PLD1: variants seen among roughly 807,000 people sequenced by gnomAD.
PLD1 encodes the protein phospholipase D1, also known as choline phosphatase 1.
Under a neutral mutation model 137.1 loss-of-function variants are expected in PLD1, and 112 were observed. That is an observed-to-expected ratio of 0.82 (90% CI 0.70 to 0.96). The LOEUF (loss-of-function observed/expected upper bound fraction) is 0.96, where lower values mean the gene tolerates loss of function less well. Among genes scored for constraint, PLD1 ranks in the 40% least tolerant of loss-of-function variants. The pLI, the probability that PLD1 is intolerant of heterozygous loss-of-function variation, is 0.00. For synonymous variants in PLD1, 431 were observed against 454.7 expected (o/e 0.95, Z 0.66); for missense variants, 1,321 against 1,342.0 (o/e 0.98, Z 0.24).
chr3:171,618,991 T>C (rs563355702), intron 24 of PLD1, among the ~76,000 whole-genome samples: 1 of 152,338 alleles, frequency 6.6e-6, no homozygotes, highest in South Asian at 2.1e-4. Context: ...ATATGAGATA[T>C]GTTTTCTTTT....
At chr3:171,760,489 C>T (rs1286683422) in intron 1 of PLD1, among the ~76,000 whole-genome samples, 2 of 152,220 alleles carry the variant, frequency 1.3e-5, no homozygotes, top group Non-Finnish European at 2.9e-5. Flanking sequence ...TGTCATGAGA[C>T]ATCCTCTAGT....
At chr3:171,795,636 C>G (rs1043514039) in intron 1 of PLD1, among the ~76,000 whole-genome samples, 3 of 152,222 alleles carry the variant, frequency 2.0e-5, no homozygotes, top group African/African-American at 7.2e-5. Context: ...AAGGCCTCCA[C>G]CTGCCATTCC....
intron 22 of PLD1, among the ~76,000 whole-genome samples, chr3:171,644,091 TA>T (rs890195000): frequency 1.3e-5 from 2 of 152,198 alleles, no homozygotes; most frequent in African/African-American, 4.8e-5. Flanking sequence ...CTGCTTTACT[TA>T]CCAAAGGTTC....
Position 171,692,347 on chromosome 3 carries a change from T to C in PLD1, c.1323A>G (p.Leu441=), listed in dbSNP as rs773036124. The change falls in exon 13 of 27, where the codon CTA becomes CTG. Residue 441 remains leucine (L), a synonymous_variant. Transcript: ENST00000351298. ...ACCTGAATACCTTTATGTTGGGATG[T>C]AGACGCATCAAAGTCCTCTTGGTGT... ...SEYTKRTLMR[L]HPNIKVMRHP... 2.7e-6 allele frequency: 4 copies of C among 1,487,274 alleles called. No individual in the cohort carries two copies. The highest frequency in any genetic ancestry group is 1.7e-5 in the Admixed American group (1 of 59,824). 92.1% of individuals were successfully genotyped at this position (1,487,274 alleles called of 1,614,324 possible).
chr3:171,730,675 A>G (rs1718871086), intron 6 of PLD1, among the ~76,000 whole-genome samples: 2 of 131,462 alleles, frequency 1.5e-5, no homozygotes, highest in Non-Finnish European at 3.2e-5. Context: ...GTCTTCCTCT[A>G]TAACCCAGGC....
chr3:171,631,274 C>G (rs962586245), intron 23 of PLD1, among the ~76,000 whole-genome samples: 1 of 152,080 alleles, frequency 6.6e-6, no homozygotes, highest in Admixed American at 6.6e-5. Context: ...AATCCCAAAC[C>G]TATTTTCTGT....
At chr3:171,609,895 G>A (rs1445954554) in intron 25 of PLD1, among the ~76,000 whole-genome samples, 1 of 151,892 alleles carries the variant, frequency 6.6e-6, no homozygotes, top group Non-Finnish European at 1.5e-5. Context: ...CTCCTTAATT[G>A]TATAAAAATA....
chr3:171,690,688 T>C (rs1002323783), intron 13 of PLD1, among the ~76,000 whole-genome samples: 1 of 152,232 alleles, frequency 6.6e-6, no homozygotes, highest in Non-Finnish European at 1.5e-5. Flanking sequence ...CATTATCTTG[T>C]GGTCAGACAG....
chr3:171,659,131 T>G, intron 21 of PLD1, 82 bp downstream of exon 21: 1 of 948,948 alleles, frequency 1.1e-6, no homozygotes, highest in South Asian at 1.3e-5. Flanking sequence ...ATGACAGTAC[T>G]TTAAAAATGG....
At chr3:171,733,611 C>T (rs1578377236) in intron 5 of PLD1, 102 bp from the exon 6 acceptor site, 1 of 545,894 alleles carries the variant, frequency 1.8e-6, no homozygotes, top group East Asian at 3.2e-5. Flanking sequence ...ATCTTAACTT[C>T]TACAAGTTAT....
intron 8 of PLD1, among the ~76,000 whole-genome samples, chr3:171,719,092 T>C (rs1165548571): frequency 6.6e-6 from 1 of 152,130 alleles, no homozygotes; most frequent in Non-Finnish European, 1.5e-5. Flanking sequence ...TTGCCAGTCT[T>C]CTTCTTTGGG....
At chr3:171,722,889 G>T (rs1232236310) in intron 8 of PLD1, among the ~76,000 whole-genome samples, 2 of 151,754 alleles carry the variant, frequency 1.3e-5, no homozygotes, top group African/African-American at 4.8e-5. Flanking sequence ...TACATAGTAG[G>T]TTTATATATT....
chr3:171,747,300 A>T (rs751919486), intron 1 of PLD1, among the ~76,000 whole-genome samples: 7 of 152,200 alleles, frequency 4.6e-5, no homozygotes, highest in Non-Finnish European at 1.0e-4. Flanking sequence ...TGGCAGATGC[A>T]TGCCTCTCCC....
chr3:171,692,473 A>G, intron 12 of PLD1, 31 bp from the exon 13 acceptor site: 1 of 985,400 alleles, frequency 1.0e-6, no homozygotes, highest in Non-Finnish European at 1.6e-6. Context: ...TGGAGGAATG[A>G]GTATCTCTGG....
At chr3:171,776,713 T>C (rs917713262) in intron 1 of PLD1, among the ~76,000 whole-genome samples, 2 of 152,254 alleles carry the variant, frequency 1.3e-5, no homozygotes, top group Admixed American at 6.5e-5. Context: ...CTCCTGTCTA[T>C]ATTTCATTTT....
intron 23 of PLD1, among the ~76,000 whole-genome samples, chr3:171,621,868 T>C (rs1429694898): frequency 6.6e-6 from 1 of 152,198 alleles, no homozygotes; most frequent in Non-Finnish European, 1.5e-5. Context: ...ATAAAATTCC[T>C]GGAAAACATT....
At chr3:171,719,348 A>G (rs569464462) in intron 8 of PLD1, among the ~76,000 whole-genome samples, 189 of 152,312 alleles carry the variant, frequency 1.2e-3, no homozygotes, top group African/African-American at 4.4e-3. Context: ...TCTGTCTCCT[A>G]CAGTACAGCG....
chr3:171,642,349 C>T (rs1308245186), intron 23 of PLD1, among the ~76,000 whole-genome samples: 4 of 149,218 alleles, frequency 2.7e-5, no homozygotes, highest in African/African-American at 5.0e-5. Context: ...CCCAGCTACT[C>T]GGGAGGCTGA....
At position 171,688,787 on chromosome 3, in the gene PLD1, A is replaced by G; in HGVS notation, c.1428T>C (p.Phe476=). The G allele has an allele frequency of 6.2e-7, 1 of 1,614,100 alleles. No homozygotes were observed. The highest frequency in any genetic ancestry group is 8.5e-7 in the Non-Finnish European group (1 of 1,179,964). The change falls in exon 14 of 27, where the codon TTT becomes TTC. Residue 476 remains phenylalanine, a synonymous_variant. Coordinates refer to ENST00000351298, the MANE Select transcript of PLD1 (RefSeq NM_002662.5). The stretch of plus-strand genomic sequence containing the variant: ...CATAGGCCAGGTCAATCCCTCCCAC[A>G]AAGGCCACCGATTGGTCAATGATGA... ...KLVIIDQSVA[F]VGGIDLAYGR... is the part of the protein sequence containing the mutation.
Sources: gnomAD v4.1 joint callset for allele counts (sites outside exome capture counted in the v4.1 genomes callset) on GRCh38, gnomAD v4.1.1 for gene constraint, MANE v1.5 for transcripts, NCBI Gene and HGNC (gene_info 2026-07-23, HGNC 2026-07-21) for gene names.